Variants in ABCC9 observed in about 807,000 individuals in gnomAD.
ABCC9 encodes the protein ATP binding cassette subfamily C member 9.
ABCC9 carries 95 observed loss-of-function variants against 188.3 expected under a neutral mutation model. The ratio of observed to expected loss-of-function variants is 0.50; its 90% CI spans 0.43 to 0.60. ABCC9 has a LOEUF of 0.60. Among genes scored for constraint, ABCC9 ranks in the 20% least tolerant of loss-of-function variants. The pLI is 0.00. For synonymous variants in ABCC9, 659 were observed against 652.7 expected, an observed-to-expected ratio of 1.01 and a Z score of -0.15; for missense variants, 1,102 against 1,876.3, an observed-to-expected ratio of 0.59 and a Z score of 7.62.
intron 16 of ABCC9, among the ~76,000 whole-genome samples, chr12:21,876,990 C>A (rs1946386051): frequency 6.6e-6 from 1 of 152,146 alleles, no homozygotes; most frequent in Admixed American, 6.5e-5. Context: ...TTAGTAATAT[C>A]CATCACACAG....
intron 25 of ABCC9, among the ~76,000 whole-genome samples, chr12:21,846,515 A>G (rs1293261359): frequency 2.6e-5 from 4 of 152,224 alleles, no homozygotes; most frequent in South Asian, 2.1e-4. Context: ...GTTACCCTGT[A>G]TGTACTTCAT....
At chr12:21,907,024 G>C (rs1432016883) in intron 11 of ABCC9, among the ~76,000 whole-genome samples, 1 of 152,034 alleles carries the variant, frequency 6.6e-6, no homozygotes, top group African/African-American at 2.4e-5. Context: ...ATCAAAAGGG[G>C]CAGTAGAGTG....
chr12:21,822,042 G>A (rs1943066577), intron 31 of ABCC9, among the ~76,000 whole-genome samples: 1 of 152,010 alleles, frequency 6.6e-6, no homozygotes, highest in Non-Finnish European at 1.5e-5. Flanking sequence ...CCGGTCTTCA[G>A]CAAAAGAAAG....
chr12:21,936,142 T>A lies in ABCC9; in HGVS notation c.142+391A>T, dbSNP rs112569328. On this transcript the variant is annotated intron_variant, in intron 3 of 39. Coordinates refer to ENST00000261200, the MANE Select transcript of ABCC9 (RefSeq NM_020297.4). ...TAAATAGGCTTACAATGTGGCATAG[T>A]CATTTCTCATGACTTTAACACATCT... Among the ~76,000 whole-genome samples the A allele has an allele frequency of 4.0e-3, 606 of 152,236 alleles. 4 individuals carry two copies. The highest frequency in any genetic ancestry group is 0.014 in the African/African-American group (588 of 41,548).
intron 16 of ABCC9, among the ~76,000 whole-genome samples, chr12:21,881,563 GT>G (rs1321096832): frequency 6.6e-6 from 1 of 152,068 alleles, no homozygotes; most frequent in Non-Finnish European, 1.5e-5. Context: ...AACTGGCCCT[GT>G]TTTTTATTCA....
At chr12:21,860,474 TACA>T (rs1230963169) in intron 21 of ABCC9, among the ~76,000 whole-genome samples, 1 of 152,224 alleles carries the variant, frequency 6.6e-6, no homozygotes, top group African/African-American at 2.4e-5. Context: ...GCCCAGGACT[TACA>T]ACGATTAAAA....
At chr12:21,924,889 CT>C (rs1418085421) in intron 5 of ABCC9, 1 of 151,990 alleles carries the variant, frequency 6.6e-6, no homozygotes, top group African/African-American at 2.4e-5. Context: ...CCCTCTCTAC[CT>C]TTTTTATTAG....
At chr12:21,915,514 A>ATATATATATATATATTTTT in intron 7 of ABCC9, among the ~76,000 whole-genome samples, 154 bp downstream of exon 7, 1 of 3,520 alleles carries the variant, frequency 2.8e-4, no homozygotes, top group African/African-American at 1.1e-3. Context: ...ATATATATAT[A>ATATATATATATATATTTTT]TTTTTTTTTT....
Position 21,799,831 on chromosome 12 carries a change from CAAAG to C in ABCC9, c.*1209_*1212del, listed in dbSNP as rs1565673116. 1 of 152,138 alleles carries C rather than the reference CAAAG, an allele frequency of 6.6e-6. No individual in the cohort carries two copies. 9.4% of individuals were successfully genotyped at this position (152,138 alleles called of 1,614,324 possible). ...TAGTAGAAACTGGTTGCTAACGTGA[CAAAG>C]AAGGTGACTTTTAGTATTTTTGAAT... On this transcript the variant is annotated 3_prime_UTR_variant, in exon 40 of 40. Coordinates refer to ENST00000261200, the MANE Select transcript of ABCC9 (RefSeq NM_020297.4).
intron 30 of ABCC9, among the ~76,000 whole-genome samples, chr12:21,833,684 T>C (rs1350840589): frequency 1.3e-5 from 2 of 152,182 alleles, no homozygotes; most frequent in Non-Finnish European, 2.9e-5. Context: ...AACTTCCTGT[T>C]GTTTCACCTG....
At chr12:21,808,581 T>C (rs1423423960) in intron 37 of ABCC9, among the ~76,000 whole-genome samples, 1 of 151,972 alleles carries the variant, frequency 6.6e-6, no homozygotes, top group Non-Finnish European at 1.5e-5. Context: ...TCAAGTAGAC[T>C]TGCTGGGCTT....
At chr12:21,813,290 T>C (rs1942384419) in intron 35 of ABCC9, among the ~76,000 whole-genome samples, 1 of 152,204 alleles carries the variant, frequency 6.6e-6, no homozygotes, top group Non-Finnish European at 1.5e-5. Context: ...TTCTCCACCA[T>C]GATATATGCA....
chr12:21,916,979 A>G lies in ABCC9; in HGVS notation c.531T>C (p.Asn177=). 1 of 1,613,894 alleles carries G rather than the reference A, an allele frequency of 6.2e-7. No individual in the cohort carries two copies. Among genetic ancestry groups the G allele is most frequent in the Non-Finnish European group, 8.5e-7 (1 of 1,179,842 alleles). The change falls in exon 6 of 40, where the codon AAT becomes AAC. Residue 177 remains asparagine, a synonymous_variant. Transcript: ENST00000261200. Reference sequence around the variant, plus strand: ...TGATCTCCACAGCCATCAAGAGCCCATTCAAGATGACCATCATGCCTGTGA... The same window carrying G: ...TGATCTCCACAGCCATCAAGAGCCCGTTCAAGATGACCATCATGCCTGTGA... ...FCITGMMVIL[N]GLLMAVEINV...
At position 21,906,302 on chromosome 12, in the gene ABCC9, G is replaced by A. The variant is rs765605012; in HGVS notation, c.1456-14C>T. On this transcript the variant is annotated splice_polypyrimidine_tract_variant and intron_variant, in intron 11 of 39. Transcript: ENST00000261200. ...AGTGGAATAATCCTATAAAACAAAG[G>A]AAGAAAAATAATACCAGCTGCATCC... 1.3e-6 allele frequency: 2 copies of A among 1,599,866 alleles called. No homozygotes were observed. Among genetic ancestry groups the A allele is most frequent in the Admixed American group, 3.4e-5 (2 of 58,456 alleles).
At chr12:21,902,618 C>T (rs1334250275) in intron 12 of ABCC9, among the ~76,000 whole-genome samples, 1 of 152,178 alleles carries the variant, frequency 6.6e-6, no homozygotes, top group Non-Finnish European at 1.5e-5. Context: ...GATATCACCA[C>T]TGATCCCACA....
chr12:21,911,075 A>T (rs1389397762), intron 8 of ABCC9, 97 bp from the exon 9 acceptor site: 2 of 1,184,002 alleles, frequency 1.7e-6, no homozygotes, highest in Non-Finnish European at 2.4e-6. Flanking sequence ...ATATTTAAAT[A>T]CAAAAATTCA....
At chr12:21,825,261 A>G (rs1943301547) in intron 31 of ABCC9, among the ~76,000 whole-genome samples, 1 of 152,214 alleles carries the variant, frequency 6.6e-6, no homozygotes, top group Non-Finnish European at 1.5e-5. Flanking sequence ...TAGAACCAGA[A>G]ATACCATTTG....
intron 12 of ABCC9, among the ~76,000 whole-genome samples, chr12:21,897,873 A>C (rs1191515370): frequency 6.6e-6 from 1 of 152,016 alleles, no homozygotes; most frequent in Non-Finnish European, 1.5e-5. Context: ...CAATACCAAC[A>C]CAACTCTCAT....
At chr12:21,894,312 T>G in intron 13 of ABCC9, 138 bp from the exon 14 acceptor site, 2 of 1,017,212 alleles carry the variant, frequency 2.0e-6, no homozygotes, top group Admixed American at 3.9e-5. Flanking sequence ...CATCCAAAAC[T>G]CCCTAATTAA....
Sources: allele counts gnomAD v4.1 joint callset (sites outside exome capture counted in the v4.1 genomes callset), GRCh38; gene constraint gnomAD v4.1.1; transcripts MANE v1.5; gene names NCBI Gene and HGNC (gene_info 2026-07-23, HGNC 2026-07-21).